The following SELENOT variants were observed in gnomAD, a reference collection of about 807,000 sequenced individuals.
SELENOT encodes selenoprotein T.
A neutral mutation model predicts 24.3 loss-of-function variants in SELENOT; 9 were observed. That is an observed-to-expected ratio of 0.37 (90% confidence interval 0.22 to 0.65). The LOEUF (loss-of-function observed/expected upper bound fraction) is 0.65. SELENOT is among the 30% of genes least tolerant of loss of function. The pLI is 0.60. For missense variants in SELENOT, 166 were observed against 247.6 expected (o/e 0.67, Z 2.21); for synonymous variants, 81 against 86.0 (o/e 0.94, Z 0.32).
intron 4 of SELENOT, chr3:150,626,774 T>C: frequency 2.2e-6 from 1 of 459,976 alleles, no homozygotes; most frequent in African/African-American, 2.0e-5. Context: ...TCCCTCCTAG[T>C]ACAGTAGTGC....
At chr3:150,611,440 T>C (rs2108006960) in intron 1 of SELENOT, 1 of 1,259,042 alleles carries the variant, frequency 7.9e-7, no homozygotes, top group Non-Finnish European at 1.2e-6. Flanking sequence ...GTGTCTTTTG[T>C]ATCTCCTAAG....
rs1479469161 is a variant in SELENOT, at chr3:150,628,505, G to A, written c.*876G>A. 16 of 152,134 alleles carry A rather than the reference G, an allele frequency of 1.1e-4. No homozygotes were observed. Among genetic ancestry groups the A allele is most frequent in the Admixed American group, 5.9e-4 (9 of 15,248 alleles). 9.4% of individuals were successfully genotyped at this position (152,134 alleles called of 1,614,324 possible). On this transcript the variant is annotated 3_prime_UTR_variant, in exon 6 of 6. Transcript: ENST00000471696. The stretch of plus-strand genomic sequence containing the variant: ...ACACACTTTAGATACACAAATAATC[G>A]TTCATTTACCATCTTTAGGATCATT...
intron 1 of SELENOT, among the ~76,000 whole-genome samples, chr3:150,617,723 A>G (rs889832252): frequency 1.3e-5 from 2 of 152,158 alleles, no homozygotes; most frequent in Non-Finnish European, 2.9e-5. Flanking sequence ...CATATAATAT[A>G]GTTCCTTAAC....
intron 1 of SELENOT, among the ~76,000 whole-genome samples, chr3:150,607,514 T>C (rs1459239756): frequency 6.6e-6 from 1 of 152,226 alleles, no homozygotes; most frequent in Non-Finnish European, 1.5e-5. Flanking sequence ...AATTCAGTGC[T>C]CTCGTGGACT....
At chr3:150,607,639 C>G (rs548105029) in intron 1 of SELENOT, among the ~76,000 whole-genome samples, 1 of 152,118 alleles carries the variant, frequency 6.6e-6, no homozygotes, top group Non-Finnish European at 1.5e-5. Flanking sequence ...GATGCCTAGT[C>G]GGGATCAGGG....
At position 150,623,437 on chromosome 3, in the gene SELENOT, T is replaced by A. The variant is rs116385248; in HGVS notation, c.375+268T>A. On this transcript the variant is annotated intron_variant, in intron 3 of 5. Coordinates refer to ENST00000471696, the MANE Select transcript of SELENOT (RefSeq NM_016275.5). ...TAGTATAACCTGGGCACAAAATAAT[T>A]TGTTATCTGATTTTGATTATATTAC... Among the ~76,000 whole-genome samples, 264 of 152,206 alleles carry A rather than the reference T, an allele frequency of 1.7e-3. 1 individual carries two copies. The highest frequency in any genetic ancestry group is 6.8e-3 in the Middle Eastern group (2 of 294).
At chr3:150,613,301 C>T (rs1726135898) in intron 1 of SELENOT, among the ~76,000 whole-genome samples, 1 of 152,174 alleles carries the variant, frequency 6.6e-6, no homozygotes, top group African/African-American at 2.4e-5. Context: ...TAGACCCTGC[C>T]TCCCAACAGT....
rs1726502688 is a variant in SELENOT, at chr3:150,629,142, T to C, written c.*1513T>C. On this transcript the variant is annotated 3_prime_UTR_variant, in exon 6 of 6. Transcript: ENST00000471696. Reference sequence around the variant, plus strand: ...CTTATACTTTGTTTGTCATCGAATATTTGTTGAATGCATGTCAGGTAATGG... The same window carrying C: ...CTTATACTTTGTTTGTCATCGAATACTTGTTGAATGCATGTCAGGTAATGG... The C allele has an allele frequency of 6.6e-6, 1 of 152,194 alleles. No individual in the cohort carries two copies. Among genetic ancestry groups the C allele is most frequent in the African/African-American group, 2.4e-5 (1 of 41,452 alleles). The allele number at this position is 152,194 out of a possible 1,614,324, so 9.4% of individuals were successfully genotyped here.
chr3:150,627,239 T>C (rs1726465702), intron 5 of SELENOT, 76 bp downstream of exon 5: 1 of 1,098,892 alleles, frequency 9.1e-7, no homozygotes, highest in Non-Finnish European at 1.3e-6. Context: ...AAATATTACA[T>C]ATATTATCAC....
intron 1 of SELENOT, among the ~76,000 whole-genome samples, chr3:150,615,435 C>T (rs1576532012): frequency 2.0e-5 from 3 of 151,878 alleles, no homozygotes; most frequent in East Asian, 1.9e-4. Context: ...CCTGAGGAAT[C>T]GCCACACTGA....
At chr3:150,616,829 C>A (rs1487710756) in intron 1 of SELENOT, among the ~76,000 whole-genome samples, 1 of 152,202 alleles carries the variant, frequency 6.6e-6, no homozygotes, top group African/African-American at 2.4e-5. Context: ...CTTGTAGAGA[C>A]GAGGTTTTAC....
chr3:150,613,545 A>T (rs1365788448), intron 1 of SELENOT, among the ~76,000 whole-genome samples: 1 of 151,844 alleles, frequency 6.6e-6, no homozygotes, highest in Non-Finnish European at 1.5e-5. Flanking sequence ...GTGGAGTGTT[A>T]TGTGATATAA....
intron 1 of SELENOT, among the ~76,000 whole-genome samples, chr3:150,616,625 G>A (rs892888005): frequency 5.7e-4 from 87 of 152,338 alleles, no homozygotes; most frequent in African/African-American, 2.0e-3. Flanking sequence ...GGCCATCAGA[G>A]AAATGCAAAT....
intron 4 of SELENOT, among the ~76,000 whole-genome samples, chr3:150,626,316 A>G (rs946956341): frequency 2.0e-5 from 3 of 152,222 alleles, no homozygotes; most frequent in African/African-American, 7.2e-5. Context: ...TTCAGTGGTT[A>G]GCAAGCTGTG....
chr3:150,617,432 C>T (rs1356104515), intron 1 of SELENOT, among the ~76,000 whole-genome samples: 3 of 152,142 alleles, frequency 2.0e-5, no homozygotes, highest in Non-Finnish European at 4.4e-5. Context: ...GAGATCTCAT[C>T]TCAACAAAAA....
At chr3:150,613,940 A>G (rs1576531549) in intron 1 of SELENOT, among the ~76,000 whole-genome samples, 1 of 152,102 alleles carries the variant, frequency 6.6e-6, no homozygotes, top group Admixed American at 6.6e-5. Context: ...TAGTGAAGCC[A>G]CCCTGGCCAC....
chr3:150,625,954 C>T (rs929595527), intron 4 of SELENOT, among the ~76,000 whole-genome samples: 2 of 151,436 alleles, frequency 1.3e-5, no homozygotes, highest in African/African-American at 4.9e-5. Context: ...ACTGCAAGCT[C>T]TGCCTCCCAG....
At chr3:150,611,893 G>T in intron 1 of SELENOT, 2 of 1,014,082 alleles carry the variant, frequency 2.0e-6, no homozygotes, top group Non-Finnish European at 2.9e-6. Context: ...CGAGCTCCGG[G>T]GTACCGGCGC....
chr3:150,622,526 C>A, intron 2 of SELENOT, 31 bp downstream of exon 2: 1 of 1,119,218 alleles, frequency 8.9e-7, no homozygotes, highest in South Asian at 1.7e-5. Flanking sequence ...AAAAGGAAAA[C>A]AATGTATTTG....
Sources: allele counts gnomAD v4.1 joint callset (sites outside exome capture counted in the v4.1 genomes callset), GRCh38; gene constraint gnomAD v4.1.1; transcripts MANE v1.5; gene names NCBI Gene and HGNC (gene_info 2026-07-23, HGNC 2026-07-21).